Variants in PCM1 observed in about 807,000 individuals in gnomAD.
The protein encoded by PCM1 is pericentriolar material 1, also known as pericentriolar material 1 protein.
Under a neutral mutation model 241.9 loss-of-function variants are expected in PCM1, and 157 were observed. That is an observed-to-expected ratio of 0.65 (90% confidence interval 0.57 to 0.74). The LOEUF is 0.74. Ranked by LOEUF, PCM1 falls within the 30% of genes least tolerant of loss-of-function variation. The pLI is 0.00. For synonymous variants in PCM1, 1,085 were observed against 784.9 expected (o/e 1.38, Z -6.39); for missense variants, 3,478 against 2,360.1 (o/e 1.47, Z -9.81).
rs2129485563 is a variant in PCM1 at position 18,011,398 on chromosome 8, C to G, written c.5350+32C>G. 3 of 1,460,230 alleles carry G rather than the reference C, an allele frequency of 2.1e-6. No homozygotes were observed. The East Asian group carries it at 7.1e-5, about 35-fold the overall frequency. 90.5% of individuals were successfully genotyped at this position (1,460,230 alleles called of 1,614,324 possible). A position where few individuals can be genotyped will look rare whatever the true frequency, so the allele number is the denominator to read the frequency against. The stretch of plus-strand genomic sequence containing the variant: ...TTAAAGGCTCTGTACTATCTTTATA[C>G]TTTAGTTTTTTGTAGGTCATTTATT... On this transcript the variant is annotated intron_variant, in intron 33 of 38. Coordinates refer to ENST00000325083, the MANE Select transcript of PCM1 (RefSeq NM_006197.4).
intron 33 of PCM1, 116 bp from the exon 34 acceptor site, chr8:18,011,551 G>T: frequency 9.1e-7 from 1 of 1,099,296 alleles, no homozygotes; most frequent in Admixed American, 3.1e-5. Flanking sequence ...CATTCTGTTT[G>T]AGGATTTCAG....
chr8:17,987,793 T>C (rs1470351201), intron 26 of PCM1, among the ~76,000 whole-genome samples: 1 of 151,884 alleles, frequency 6.6e-6, no homozygotes, highest in East Asian at 1.9e-4. Flanking sequence ...TATGTCTGCA[T>C]TGTCTAATGC....
rs1003795466 is a variant in PCM1, at chr8:17,939,091, A to G, written c.612+82A>G. The G allele has an allele frequency of 2.9e-6, 4 of 1,394,694 alleles. No homozygotes were observed. In the African/African-American group the frequency reaches 4.3e-5, roughly 15 times the overall value. The allele number at this position is 1,394,694 out of a possible 1,614,324, so 86.4% of individuals were successfully genotyped here. On this transcript the variant is annotated intron_variant, in intron 5 of 38. Transcript: ENST00000325083. ...TAAGGTTTAGAAAATTAGGTTACGC[A>G]CACAGGAATTTTAGTTGGGTGGAAT...
rs755103090 is a variant in PCM1, at chr8:17,966,392, C to T, written c.3140C>T (p.Ala1047Val). The T allele has an allele frequency of 1.9e-6, 3 of 1,613,300 alleles. No homozygotes were observed. The highest frequency in any genetic ancestry group is 2.7e-5 in the African/African-American group (2 of 74,932). ...TACAGTGTTATGCCCAGCAATGTTGCATCTCCTCAAGTACACTTCATAATG... is the reference window on the plus strand; with the variant it reads ...TACAGTGTTATGCCCAGCAATGTTGTATCTCCTCAAGTACACTTCATAATG... ...GPYSVMPSNV[A>V]SPQVHFIMHQ... The change falls in exon 20 of 39, where the codon GCA becomes GTA. Residue 1047 changes from alanine to valine, a missense_variant. Ala to Val is a moderately conservative substitution (Grantham distance 64). Transcript: ENST00000325083.
intron 3 of PCM1, 139 bp downstream of exon 3, chr8:17,935,845 T>A (rs1046047189): frequency 1.0e-5 from 5 of 485,270 alleles, no homozygotes; most frequent in African/African-American, 5.9e-5. Context: ...GGCCGTTTAT[T>A]ATATTAATTG....
At chr8:17,991,409 G>C (rs932755213) in intron 27 of PCM1, 133 bp from the exon 28 acceptor site, 5 of 635,656 alleles carry the variant, frequency 7.9e-6, no homozygotes, top group Non-Finnish European at 1.1e-5. Flanking sequence ...TGCTCAAGTA[G>C]TATAGTGTGT....
intron 34 of PCM1, among the ~76,000 whole-genome samples, chr8:18,013,217 G>A (rs1341050371): frequency 1.3e-5 from 2 of 152,156 alleles, no homozygotes; most frequent in African/African-American, 2.4e-5. Context: ...GAATGGGGCT[G>A]AGGTCCCACC....
chr8:17,980,385 G>A (rs1018733859), intron 23 of PCM1: 2 of 407,492 alleles, frequency 4.9e-6, no homozygotes, highest in African/African-American at 4.1e-5. Flanking sequence ...GAACAGTGAA[G>A]GTTAGATTTA....
intron 13 of PCM1, among the ~76,000 whole-genome samples, chr8:17,958,253 T>C (rs979861275): frequency 1.1e-4 from 17 of 152,164 alleles, no homozygotes; most frequent in Admixed American, 3.9e-4. Flanking sequence ...GACTGTCCAA[T>C]CCAGAATTCA....
At chr8:17,972,734 A>G in intron 23 of PCM1, 47 bp downstream of exon 23, 2 of 1,219,794 alleles carry the variant, frequency 1.6e-6, no homozygotes, top group Non-Finnish European at 2.2e-6. Context: ...AATTTTGGTA[A>G]TCTTACTTTG....
chr8:18,016,106 T>C (rs1276096990), intron 36 of PCM1, among the ~76,000 whole-genome samples: 1 of 152,170 alleles, frequency 6.6e-6, no homozygotes, highest in Admixed American at 6.5e-5. Flanking sequence ...GCCAGAATGA[T>C]CTCGATCTCC....
At chr8:17,949,655 G>A (rs942276100) in intron 7 of PCM1, among the ~76,000 whole-genome samples, 3 of 151,968 alleles carry the variant, frequency 2.0e-5, no homozygotes, top group Admixed American at 1.3e-4. Flanking sequence ...GCTGTACCAC[G>A]CCGGGCTAAT....
At chr8:17,935,542 A>G (rs1356836973) in intron 2 of PCM1, 47 bp from the exon 3 acceptor site, 2 of 675,282 alleles carry the variant, frequency 3.0e-6, no homozygotes, top group Non-Finnish European at 5.4e-6. Flanking sequence ...TGAAAATTGA[A>G]TTTGTTTTTA....
chr8:18,024,550 A>G (rs1474848442), intron 36 of PCM1, among the ~76,000 whole-genome samples: 1 of 152,134 alleles, frequency 6.6e-6, no homozygotes, highest in Admixed American at 6.5e-5. Context: ...TTCTTATCTG[A>G]TCATTGTCTA....
At chr8:18,023,306 C>G (rs2093906876) in intron 36 of PCM1, among the ~76,000 whole-genome samples, 1 of 152,166 alleles carries the variant, frequency 6.6e-6, no homozygotes, top group South Asian at 2.1e-4. Context: ...TACAAAAGAA[C>G]TCCCTGTGAT....
intron 29 of PCM1, among the ~76,000 whole-genome samples, chr8:17,998,082 A>C (rs941801306): frequency 6.6e-6 from 1 of 151,812 alleles, no homozygotes; most frequent in Non-Finnish European, 1.5e-5. Flanking sequence ...GTTATCTTGA[A>C]TTTGTTTGAG....
chr8:17,936,195 G>C (rs570356111), intron 3 of PCM1, among the ~76,000 whole-genome samples: 72 of 152,236 alleles, frequency 4.7e-4, no homozygotes, highest in African/African-American at 1.7e-3. Flanking sequence ...AAATTTTGTA[G>C]TATGATTATC....
chr8:18,025,475 AAC>A, intron 37 of PCM1, 22 bp downstream of exon 37: 1 of 1,536,764 alleles, frequency 6.5e-7, no homozygotes, highest in Non-Finnish European at 9.0e-7. Context: ...TCTTTAATTA[AAC>A]TTGTCTTTAC....
chr8:17,960,261 A>G, intron 14 of PCM1, 54 bp from the exon 15 acceptor site: 1 of 1,571,442 alleles, frequency 6.4e-7, no homozygotes, highest in Non-Finnish European at 8.6e-7. Flanking sequence ...GTTGTGCCTA[A>G]TGCTTCATCA....
Sources: allele counts gnomAD v4.1 joint callset (sites outside exome capture counted in the v4.1 genomes callset), GRCh38; gene constraint gnomAD v4.1.1; transcripts MANE v1.5; gene names NCBI Gene and HGNC (gene_info 2026-07-23, HGNC 2026-07-21).